The following DUOX1 variants were observed in gnomAD, a reference collection of about 807,000 sequenced individuals.
DUOX1 encodes NADPH thyroid oxidase 1.
A neutral mutation model predicts 181.8 loss-of-function variants in DUOX1; 134 were observed. That is an observed-to-expected ratio of 0.74 (90% CI 0.64 to 0.85). The LOEUF is 0.85. Ranked by LOEUF, DUOX1 falls within the 40% of genes least tolerant of loss-of-function variation. The pLI is 0.00. For synonymous variants in DUOX1, 798 were observed against 832.5 expected, an observed-to-expected ratio of 0.96 and a Z score of 0.71; for missense variants, 1,814 against 2,064.4, an observed-to-expected ratio of 0.88 and a Z score of 2.35.
chr15:45,135,528 T>G lies in DUOX1; in HGVS notation c.550T>G (p.Ser184Ala), dbSNP rs1454119653. The G allele has an allele frequency of 6.4e-7, 1 of 1,560,222 alleles. No homozygotes were observed. The highest frequency in any genetic ancestry group is 8.7e-7 in the Non-Finnish European group (1 of 1,153,726). Residue 184 changes from serine to alanine, a missense_variant, in exon 6 of 34, where the codon TCC becomes GCC. This residue lies in a region of DUOX1 where 320 missense variants were observed against 313.1 expected (regional missense o/e 1.02). Coordinates refer to ENST00000389037, the MANE Select transcript of DUOX1 (RefSeq NM_175940.3). ...DGSAIYGSSH[S>A]WSDALRSFSR... ...CAGCGCCATCTATGGTTCCTCGCAT[T>G]CCTGGAGCGACGCGCTGCGGAGCTT...
At position 45,141,021 on chromosome 15, in the gene DUOX1, G is replaced by A. The variant is rs1348754804; in HGVS notation, c.1516G>A (p.Val506Met). The change falls in exon 13 of 34, where the codon GTG becomes ATG. Residue 506 changes from valine (V) to methionine (M), a missense_variant. By Grantham distance (21) the Val-to-Met change is conservative (BLOSUM62 1). This residue lies in a region of DUOX1 where 1,064 missense variants were observed against 1,152.9 expected (regional missense o/e 0.92). Coordinates refer to ENST00000389037, the MANE Select transcript of DUOX1 (RefSeq NM_175940.3). Reference protein sequence around the residue: ...LFSTIVLEQFVRLRDGDRYWF... With the variant: ...LFSTIVLEQFMRLRDGDRYWF... Reference sequence around the variant, plus strand: ...CAGCACCATCGTCCTTGAACAATTTGTGCGGCTACGGGATGGTGACCGCTA... The same window carrying A: ...CAGCACCATCGTCCTTGAACAATTTATGCGGCTACGGGATGGTGACCGCTA... 1.2e-6 allele frequency: 2 copies of A among 1,614,242 alleles called. No individual in the cohort carries two copies. The highest frequency in any genetic ancestry group is 1.3e-5 in the African/African-American group (1 of 75,070).
At chr15:45,142,801 G>GAGGA (rs1896541525) in intron 15 of DUOX1, among the ~76,000 whole-genome samples, 1 of 144,684 alleles carries the variant, frequency 6.9e-6, no homozygotes, top group Admixed American at 6.9e-5. Flanking sequence ...GGGAGGAAGG[G>GAGGA]AGGGAGGAAG....
intron 23 of DUOX1, 137 bp downstream of exon 23, chr15:45,151,385 C>A: frequency 8.8e-7 from 1 of 1,138,856 alleles, no homozygotes; most frequent in African/African-American, 1.6e-5. Context: ...AAGAACATCA[C>A]AATCTAAGAA....
chr15:45,136,776 A>G (rs1356495786), intron 9 of DUOX1, 151 bp downstream of exon 9: 1 of 713,546 alleles, frequency 1.4e-6, no homozygotes, highest in East Asian at 2.7e-5. Context: ...CAATTGTTTT[A>G]AAAGATACAT....
At chr15:45,137,655 T>G (rs979782570) in intron 9 of DUOX1, among the ~76,000 whole-genome samples, 1 of 152,184 alleles carries the variant, frequency 6.6e-6, no homozygotes, top group Non-Finnish European at 1.5e-5. Context: ...ATATTTTATA[T>G]GTGTGTGTAT....
chr15:45,153,408 T>G lies in DUOX1; in HGVS notation c.3453T>G (p.Asn1151Lys). The change falls in exon 26 of 34, where the codon AAT becomes AAG. Residue 1151 changes from asparagine to lysine, a missense_variant. By Grantham distance (94) the Asn-to-Lys change is moderately conservative. Around this residue, in one of 5 missense-constraint regions of DUOX1, gnomAD observed 1,064 missense variants for 1,152.9 expected, o/e 0.92. Coordinates refer to ENST00000389037, the MANE Select transcript of DUOX1 (RefSeq NM_175940.3). ...TVLHSVGHVV[N>K]VYLFSISPLS... ...TACACAGTGTGGGCCATGTGGTGAATGTGTACCTGTTCTCCATCAGCCCCC... is the reference window on the plus strand; with the variant it reads ...TACACAGTGTGGGCCATGTGGTGAAGGTGTACCTGTTCTCCATCAGCCCCC... 1 of 1,613,954 alleles carries G rather than the reference T, an allele frequency of 6.2e-7. No individual in the cohort carries two copies. Among genetic ancestry groups the G allele is most frequent in the Non-Finnish European group, 8.5e-7 (1 of 1,179,966 alleles).
At position 45,133,977 on chromosome 15, in the gene DUOX1, C is replaced by T. The variant is rs368663361; in HGVS notation, c.142+30C>T. On this transcript the variant is annotated intron_variant, in intron 3 of 33. Transcript: ENST00000389037. ...GTGAGAGCCAAGTGGGGATAGAACC[C>T]CAGGGCCAGGGGGGTACTGAGTGCT... is the stretch of plus-strand genomic sequence containing the variant. The T allele has an allele frequency of 6.3e-5, 101 of 1,610,526 alleles. 1 individual carries two copies. Among genetic ancestry groups the T allele is most frequent in the African/African-American group, 5.5e-4 (41 of 74,950 alleles).
chr15:45,143,697 C>G (rs1896568456), intron 16 of DUOX1, among the ~76,000 whole-genome samples: 1 of 147,974 alleles, frequency 6.8e-6, no homozygotes, highest in East Asian at 1.9e-4. Context: ...GGGCCTTAGG[C>G]AGATTTTTGA....
At chr15:45,152,810 T>C (rs1896851065) in intron 25 of DUOX1, 2 of 523,538 alleles carry the variant, frequency 3.8e-6, no homozygotes, top group Non-Finnish European at 6.9e-6. Flanking sequence ...TTTTAAAGCA[T>C]GACTCTGAGA....
chr15:45,161,508 C>T (rs1422882976), intron 29 of DUOX1, among the ~76,000 whole-genome samples: 1 of 150,648 alleles, frequency 6.6e-6, no homozygotes, highest in Non-Finnish European at 1.5e-5. Flanking sequence ...GCCAGGGGAC[C>T]TGAGCCTCTC....
At chr15:45,148,670 G>A (rs1239157259) in intron 21 of DUOX1, 1 of 261,078 alleles carries the variant, frequency 3.8e-6, no homozygotes, top group Non-Finnish European at 6.3e-6. Context: ...TATTTTTATG[G>A]AGGAAAGGAC....
intron 28 of DUOX1, among the ~76,000 whole-genome samples, chr15:45,159,872 TGGC>T (rs1897053420): frequency 6.6e-6 from 1 of 152,124 alleles, no homozygotes; most frequent in African/African-American, 2.4e-5. Context: ...AAAGTACTGT[TGGC>T]CGCGCGCGGT....
chr15:45,135,437 C>T (rs1896277738), intron 5 of DUOX1, 37 bp from the exon 6 acceptor site: 1 of 1,537,226 alleles, frequency 6.5e-7, no homozygotes, highest in Non-Finnish European at 8.7e-7. Flanking sequence ...CTCGCCGCCG[C>T]CCATCGACCC....
intron 2 of DUOX1, among the ~76,000 whole-genome samples, chr15:45,133,236 G>A (rs535995659): frequency 2.0e-5 from 3 of 152,262 alleles, no homozygotes; most frequent in African/African-American, 7.2e-5. Context: ...AATTGTATGG[G>A]GGACAAGATG....
rs772395646 is a variant in DUOX1 at position 45,136,595 on chromosome 15, C to G, written c.992C>G (p.Ser331Cys). Residue 331 changes from serine to cysteine, a missense_variant, in exon 9 of 34, where the codon TCC becomes TGC. Ser to Cys is a moderately radical substitution (Grantham distance 112). Around this residue, in one of 5 missense-constraint regions of DUOX1, gnomAD observed 1,064 missense variants for 1,152.9 expected, o/e 0.92. Coordinates refer to ENST00000389037, the MANE Select transcript of DUOX1 (RefSeq NM_175940.3). ...EFVAASEQFL[S>C]TMVPPGVYMR... Reference sequence around the variant, plus strand: ...GTGGCGGCCTCTGAGCAGTTCCTGTCCACCATGGTGCCCCCTGGCGTCTAC... The same window carrying G: ...GTGGCGGCCTCTGAGCAGTTCCTGTGCACCATGGTGCCCCCTGGCGTCTAC... The G allele has an allele frequency of 5.6e-6, 9 of 1,613,940 alleles. No individual in the cohort carries two copies. Among genetic ancestry groups the G allele is most frequent in the South Asian group, 3.3e-5 (3 of 91,080 alleles).
At chr15:45,156,074 T>C (rs1001972645) in intron 28 of DUOX1, 145 bp downstream of exon 28, 35 of 1,169,226 alleles carry the variant, frequency 3.0e-5, no homozygotes, top group Non-Finnish European at 4.1e-5. Context: ...AAGGTGGAGA[T>C]GATAGTACAG....
chr15:45,152,194 TGTGA>T, intron 24 of DUOX1, 88 bp from the exon 25 acceptor site: 1 of 1,474,464 alleles, frequency 6.8e-7, no homozygotes, highest in African/African-American at 1.4e-5. Flanking sequence ...GGAGGCCTGT[TGTGA>T]GTGGCAGCCG....
chr15:45,134,606 G>C (rs966602817), intron 4 of DUOX1, among the ~76,000 whole-genome samples: 1 of 152,188 alleles, frequency 6.6e-6, no homozygotes, highest in African/African-American at 2.4e-5. Flanking sequence ...GGCTGGTAGA[G>C]GCAGAAACAT....
Position 45,142,021 on chromosome 15 carries a change from A to G in DUOX1, c.1731A>G (p.Pro577=). 1 of 1,613,824 alleles carries G rather than the reference A, an allele frequency of 6.2e-7. No homozygotes were observed. The highest frequency in any genetic ancestry group is 8.5e-7 in the Non-Finnish European group (1 of 1,179,994). Residue 577 remains proline, a synonymous_variant, in exon 15 of 34, where the codon CCA becomes CCG. Coordinates refer to ENST00000389037, the MANE Select transcript of DUOX1 (RefSeq NM_175940.3). ...QPRQLSTEGL[P]ACAPSVVRDY... is the part of the protein sequence containing the mutation. ...GACAGCTCAGCACTGAAGGCCTGCC[A>G]GCGTGTGCTCCCTCTGTTGTTCGTG...
Sources: gnomAD v4.1 joint callset for allele counts (sites outside exome capture counted in the v4.1 genomes callset) on GRCh38, gnomAD v4.1.1 for gene constraint, gnomAD v4.1.1 regional missense constraint, MANE v1.5 for transcripts, NCBI Gene and HGNC (gene_info 2026-07-23, HGNC 2026-07-21) for gene names.